The following ARAP1 variants were observed in gnomAD, a reference collection of about 807,000 sequenced individuals.
ARAP1 encodes the protein ArfGAP with RhoGAP domain, ankyrin repeat and PH domain 1.
In ARAP1, 76 loss-of-function variants were observed where a neutral mutation model predicts 172.2. The observed-to-expected ratio is 0.44, with a 90% CI of 0.37 to 0.53. The LOEUF (loss-of-function observed/expected upper bound fraction) is 0.53. Among genes scored for constraint, ARAP1 ranks in the 20% least tolerant of loss-of-function variants. The pLI is 0.00. For synonymous variants in ARAP1, 804 were observed against 803.3 expected (o/e 1.00, Z -0.01); for missense variants, 1,686 against 1,977.5 (o/e 0.85, Z 2.80).
chr11:72,692,611 G>C, intron 30 of ARAP1, 142 bp downstream of exon 30: 1 of 1,066,160 alleles, frequency 9.4e-7, no homozygotes, highest in Non-Finnish European at 1.4e-6. Flanking sequence ...CCCCAGGATA[G>C]GGGCCAGTGC....
chr11:72,749,994 CT>C (rs1858487837), intron 1 of ARAP1, among the ~76,000 whole-genome samples: 2 of 152,174 alleles, frequency 1.3e-5, no homozygotes, highest in South Asian at 4.1e-4. Context: ...ATCTCTAGCT[CT>C]TGGCCTCAGT....
chr11:72,707,581 TG>T (rs1423090148), intron 11 of ARAP1, among the ~76,000 whole-genome samples: 1 of 152,032 alleles, frequency 6.6e-6, no homozygotes, highest in Non-Finnish European at 1.5e-5. Context: ...GGGAGCCCAG[TG>T]GGGGGCTCTG....
chr11:72,706,998 C>A (rs1202257578), intron 12 of ARAP1, among the ~76,000 whole-genome samples, 177 bp downstream of exon 12: 1 of 152,234 alleles, frequency 6.6e-6, no homozygotes. Flanking sequence ...AAGTTGAACC[C>A]CTGCCTGGCA....
At chr11:72,748,665 GA>G (rs1457004837) in intron 1 of ARAP1, among the ~76,000 whole-genome samples, 2 of 152,148 alleles carry the variant, frequency 1.3e-5, no homozygotes, top group Admixed American at 6.5e-5. Flanking sequence ...CCAAGGATGA[GA>G]AAAAGAGACA....
Position 72,688,584 on chromosome 11 carries a change from C to T in ARAP1, c.3988-47G>A, listed in dbSNP as rs939029119. 20 of 1,530,206 alleles carry T rather than the reference C, an allele frequency of 1.3e-5. No homozygotes were observed. In the African/African-American group the frequency reaches 2.7e-4, roughly 21 times the overall value. 94.8% of individuals were successfully genotyped at this position (1,530,206 alleles called of 1,614,324 possible). On this transcript the variant is annotated intron_variant, in intron 30 of 34. Coordinates refer to ENST00000393609, the MANE Select transcript of ARAP1 (RefSeq NM_001040118.3). ...AGGGCACTTTAGTCTGCAGAAAGGG[C>T]ACTGGGGCCGCTCTCCCGACTGGGC...
At chr11:72,697,557 C>A in intron 20 of ARAP1, 41 bp downstream of exon 20, 1 of 1,613,530 alleles carries the variant, frequency 6.2e-7, no homozygotes. Flanking sequence ...CATCAGACTG[C>A]TCCAGCCTTC....
At chr11:72,709,757 G>T in intron 11 of ARAP1, 113 bp downstream of exon 11, 2 of 1,099,574 alleles carry the variant, frequency 1.8e-6, no homozygotes, top group South Asian at 1.3e-5. Flanking sequence ...GGGGCAGGGC[G>T]GGGCAGGGTG....
chr11:72,695,524 C>T lies in ARAP1; in HGVS notation c.3507+18G>A. The stretch of plus-strand genomic sequence containing the variant: ...CAGGTGGCAGGTCCAAGCCCCCCAC[C>T]CAGGCTCCAGCCTTCACCTGGGTCC... On this transcript the variant is annotated intron_variant, in intron 25 of 34. Transcript: ENST00000393609. This position sits in a 1 kb window ranked among gnomAD's most constrained non-coding sequence, Gnocchi z 4.4. 3 of 1,614,156 alleles carry T rather than the reference C, an allele frequency of 1.9e-6. No homozygotes were observed. The highest frequency in any genetic ancestry group is 2.5e-6 in the Non-Finnish European group (3 of 1,180,034).
At chr11:72,700,905 G>T (rs1856454220) in intron 16 of ARAP1, among the ~76,000 whole-genome samples, 2 of 152,346 alleles carry the variant, frequency 1.3e-5, no homozygotes, top group South Asian at 2.1e-4. Flanking sequence ...GGCTGAGGCA[G>T]GAGAATTGCT....
At position 72,710,984 on chromosome 11, in the gene ARAP1, T is replaced by A. The variant is rs752359235; in HGVS notation, c.1213+37A>T. 1 of 1,612,088 alleles carries A rather than the reference T, an allele frequency of 6.2e-7. No individual in the cohort carries two copies. Among genetic ancestry groups the A allele is most frequent in the African/African-American group, 1.3e-5 (1 of 74,836 alleles). On this transcript the variant is annotated intron_variant, in intron 9 of 34. Coordinates refer to ENST00000393609, the MANE Select transcript of ARAP1 (RefSeq NM_001040118.3). This position sits in a 1 kb window ranked among gnomAD's most constrained non-coding sequence, Gnocchi z 4.3. ...CCCAAACTTCCAGTCTTCTCTACCC[T>A]CTTCTACACACACACACAACACCCC... is the stretch of plus-strand genomic sequence containing the variant.
At position 72,693,798 on chromosome 11, in the gene ARAP1, G is replaced by A; in HGVS notation, c.3702C>T (p.Pro1234=). ...GCAGCACCTTCTCCGCAAAGTGCAG[G>A]GGGCGCTCTGGGGAGAGGTCACACC... ...EVNEREEAER[P]LHFAEKVLPI... Residue 1234 remains proline (P), a synonymous_variant, in exon 28 of 35, where the codon CCC becomes CCT. Transcript: ENST00000393609. This position sits in a 1 kb window ranked among gnomAD's most constrained non-coding sequence, Gnocchi z 4.6. 1 of 1,598,074 alleles carries A rather than the reference G, an allele frequency of 6.3e-7. No homozygotes were observed. Among genetic ancestry groups the A allele is most frequent in the Non-Finnish European group, 8.5e-7 (1 of 1,173,008 alleles).
intron 3 of ARAP1, among the ~76,000 whole-genome samples, chr11:72,719,925 T>TC (rs763877388): frequency 3.9e-5 from 6 of 152,274 alleles, no homozygotes; most frequent in Admixed American, 2.6e-4. Flanking sequence ...AAATCATACA[T>TC]CCATCCTCCC....
rs190545362 is a variant in ARAP1, at chr11:72,698,123, G to A, written c.2542-17C>T. On this transcript the variant is annotated splice_polypyrimidine_tract_variant and intron_variant, in intron 18 of 34. Transcript: ENST00000393609. ...CACGAATGCCTGGCAGAGAGGCGCC[G>A]GGGGAGACAGCATCAGCCAACGGCA... 833 of 1,567,970 alleles carry A rather than the reference G, an allele frequency of 5.3e-4. 13 individuals are homozygous for A. The East Asian group carries it at 7.5e-3, about 14-fold the overall frequency.
intron 27 of ARAP1, among the ~76,000 whole-genome samples, chr11:72,694,459 C>T (rs1856086223): frequency 6.6e-6 from 1 of 151,880 alleles, no homozygotes; most frequent in Admixed American, 6.6e-5. Flanking sequence ...GCCTTCTTCA[C>T]CAAGTAACCC....
chr11:72,744,639 C>G (rs768112162), intron 1 of ARAP1, among the ~76,000 whole-genome samples: 1 of 152,234 alleles, frequency 6.6e-6, no homozygotes, highest in Non-Finnish European at 1.5e-5. Context: ...CCTTGGCCCC[C>G]GAGCCTGAGC....
In ARAP1 at chr11:72,701,751, C is replaced by T; in HGVS notation, c.2200G>A (p.Glu734Lys). The T allele has an allele frequency of 6.2e-7, 1 of 1,613,904 alleles. No individual in the cohort carries two copies. Among genetic ancestry groups the T allele is most frequent in the Non-Finnish European group, 8.5e-7 (1 of 1,179,864 alleles). ...GGCAGGACAACTGAGTAGTGCTTTT[C>T]CAGGGGCTTCATCGAGTCCAGCCGA... ...VPRLDSMKPL[E>K]KHYSVVLPTV... Residue 734 changes from glutamate to lysine, a missense_variant, in exon 16 of 35, where the codon GAA becomes AAA. Transcript: ENST00000393609.
At position 72,710,077 on chromosome 11, in the gene ARAP1, G is replaced by A; in HGVS notation, c.1417-101C>T. 1.8e-6 allele frequency: 2 copies of A among 1,101,074 alleles called. No homozygotes were observed. Among genetic ancestry groups the A allele is most frequent in the Admixed American group, 1.8e-5 (1 of 54,664 alleles). The allele number at this position is 1,101,074 out of a possible 1,614,324, so 68.2% of individuals were successfully genotyped here. On this transcript the variant is annotated intron_variant, in intron 10 of 34. Coordinates refer to ENST00000393609, the MANE Select transcript of ARAP1 (RefSeq NM_001040118.3). This position sits in a 1 kb window ranked among gnomAD's most constrained non-coding sequence, Gnocchi z 4.3. ...GAAGGTGGTGCAACTCAGGGACTGG[G>A]GGGGGTGCCCAGGAGGGAGACAGCA... is the stretch of plus-strand genomic sequence containing the variant.
intron 2 of ARAP1, among the ~76,000 whole-genome samples, chr11:72,730,222 A>G (rs896867347): frequency 3.3e-5 from 5 of 152,238 alleles, no homozygotes; most frequent in African/African-American, 1.2e-4. Context: ...ATTTACAAAA[A>G]GGAAAATATA....
chr11:72,689,468 A>G (rs1855838491), intron 30 of ARAP1: 1 of 152,286 alleles, frequency 6.6e-6, no homozygotes, highest in Non-Finnish European at 1.5e-5. Context: ...GGGGTCAAAG[A>G]CTGAGCCACC....
Sources: allele counts gnomAD v4.1 joint callset (sites outside exome capture counted in the v4.1 genomes callset), GRCh38; gene constraint gnomAD v4.1.1; non-coding constraint Gnocchi (gnomAD v3.1); transcripts MANE v1.5; gene names NCBI Gene and HGNC (gene_info 2026-07-23, HGNC 2026-07-21).